TUSC3: variants seen among roughly 807,000 people sequenced by gnomAD.
TUSC3 encodes the protein dolichyl-diphosphooligosaccharide--protein glycosyltransferase subunit TUSC3.
In TUSC3, 45 loss-of-function variants were observed where a neutral mutation model predicts 44.8. The ratio of observed to expected loss-of-function variants is 1.00; its 90% CI spans 0.79 to 1.29. The LOEUF is 1.29. Ranked by LOEUF, TUSC3 falls within the 50% of genes most tolerant of loss-of-function variation. The probability of loss-of-function intolerance (pLI) is 0.00; values close to 1 mark genes in which losing one functional copy is unlikely to be tolerated. For missense variants in TUSC3, 519 were observed against 437.9 expected (o/e 1.19, Z -1.65); for synonymous variants, 212 against 152.9 (o/e 1.39, Z -2.85).
At chr8:15,564,810 A>T (rs974688136) in intron 1 of TUSC3, among the ~76,000 whole-genome samples, 1 of 151,990 alleles carries the variant, frequency 6.6e-6, no homozygotes, top group African/African-American at 2.4e-5. Flanking sequence ...GTCCACTCCC[A>T]CCCTGTTCTA....
At chr8:15,564,268 C>G (rs1585105600) in intron 1 of TUSC3, among the ~76,000 whole-genome samples, 1 of 151,868 alleles carries the variant, frequency 6.6e-6, no homozygotes. Flanking sequence ...TTTGGGCAGC[C>G]ATGTTGTTTT....
At chr8:15,755,175 G>T (rs575943136) in intron 9 of TUSC3, among the ~76,000 whole-genome samples, 15 of 152,032 alleles carry the variant, frequency 9.9e-5, no homozygotes, top group Admixed American at 2.0e-4. Context: ...CAGCCTGCTC[G>T]TTACTAGCTG....
chr8:15,527,035 T>C (rs139486870), intron 2 of TUSC3, among the ~76,000 whole-genome samples: 21 of 152,346 alleles, frequency 1.4e-4, no homozygotes, highest in Non-Finnish European at 1.0e-4. Context: ...TAGAAAAGTT[T>C]GAATAATTGA....
chr8:15,806,405 T>C, the TUSC3 span: 2 of 716,152 alleles, frequency 2.8e-6, no homozygotes, highest in Non-Finnish European at 5.2e-6. Context: ...CTTCTGGTGA[T>C]ACTTTGGGTG....
At chr8:15,430,477 C>G (rs1002833475) in intron 1 of TUSC3, among the ~76,000 whole-genome samples, 1 of 150,384 alleles carries the variant, frequency 6.6e-6, no homozygotes, top group Non-Finnish European at 1.5e-5. Context: ...TGGGATGTAT[C>G]TCAAAATAAT....
intron 7 of TUSC3, among the ~76,000 whole-genome samples, chr8:15,737,190 A>G (rs1810972943): frequency 6.6e-6 from 1 of 152,094 alleles, no homozygotes; most frequent in South Asian, 2.1e-4. Context: ...AAAAAAATTA[A>G]TGATAGATGC....
chr8:15,462,988 T>C (rs938604235), intron 1 of TUSC3, among the ~76,000 whole-genome samples: 1 of 152,004 alleles, frequency 6.6e-6, no homozygotes, highest in Non-Finnish European at 1.5e-5. Context: ...TGGCTTCAAT[T>C]CTTTATTTTG....
chr8:15,473,772 A>T (rs1317677813), intron 1 of TUSC3, among the ~76,000 whole-genome samples: 2 of 152,220 alleles, frequency 1.3e-5, no homozygotes, highest in Admixed American at 1.3e-4. Context: ...CAAAGATCAC[A>T]TGCTTCTGAG....
intron 5 of TUSC3, among the ~76,000 whole-genome samples, chr8:15,666,786 A>C (rs1218642079): frequency 6.6e-6 from 1 of 151,448 alleles, no homozygotes; most frequent in Non-Finnish European, 1.5e-5. Flanking sequence ...TCTGCTCATC[A>C]GGCAACTATG....
chr8:15,587,606 A>G (rs574726263), intron 1 of TUSC3, among the ~76,000 whole-genome samples: 7 of 152,162 alleles, frequency 4.6e-5, no homozygotes, highest in Non-Finnish European at 1.0e-4. Flanking sequence ...GTCTTTGAAC[A>G]TATACAGTAA....
intron 1 of TUSC3, among the ~76,000 whole-genome samples, chr8:15,587,516 A>G (rs142298720): frequency 6.6e-6 from 1 of 152,290 alleles, no homozygotes; most frequent in Admixed American, 6.5e-5. Flanking sequence ...CAATGATCAA[A>G]TCAGGGTAAT....
intron 9 of TUSC3, among the ~76,000 whole-genome samples, chr8:15,749,788 A>T (rs1158675185): frequency 6.8e-6 from 1 of 146,214 alleles, no homozygotes; most frequent in African/African-American, 2.6e-5. Flanking sequence ...TTTTTGTATG[A>T]TTGGTACTTA....
At chr8:15,627,631 C>T (rs1024955733) in intron 2 of TUSC3, among the ~76,000 whole-genome samples, 1 of 152,242 alleles carries the variant, frequency 6.6e-6, no homozygotes, top group Non-Finnish European at 1.5e-5. Flanking sequence ...TTTTGGGGCC[C>T]TGTGGTTTCT....
intron 1 of TUSC3, among the ~76,000 whole-genome samples, chr8:15,473,916 A>T (rs900219472): frequency 2.0e-5 from 3 of 152,164 alleles, no homozygotes; most frequent in South Asian, 4.1e-4. Flanking sequence ...CAAATTTACC[A>T]GGGCGAGGTT....
intron 1 of TUSC3, among the ~76,000 whole-genome samples, chr8:15,604,984 A>C (rs1014902239): frequency 6.6e-6 from 1 of 151,932 alleles, no homozygotes; most frequent in Non-Finnish European, 1.5e-5. Flanking sequence ...AAAGAGATAC[A>C]TAAAACTCTG....
At chr8:15,806,371 C>G in the TUSC3 span, 1 of 735,852 alleles carries the variant, frequency 1.4e-6, no homozygotes, top group African/African-American at 1.7e-5. Context: ...AGGTACTTGC[C>G]CAACTCTGCC....
rs1466411001 is a variant in TUSC3 at position 15,765,498 on chromosome 8, A to T, written c.*1342A>T. The T allele has an allele frequency of 2.0e-5, 3 of 151,990 alleles. No individual in the cohort carries two copies. Among genetic ancestry groups the T allele is most frequent in the Non-Finnish European group, 4.4e-5 (3 of 67,940 alleles). 9.4% of individuals were successfully genotyped at this position (151,990 alleles called of 1,614,324 possible). ...TACAACCATTGAGTTTACTTACTTA[A>T]ATCTGTGAATTTCAATGAAGAATGG... On this transcript the variant is annotated 3_prime_UTR_variant, in exon 11 of 11. Coordinates refer to ENST00000503731, the MANE Select transcript of TUSC3 (RefSeq NM_006765.4).
intron 6 of TUSC3, among the ~76,000 whole-genome samples, chr8:15,682,974 G>T (rs1009917285): frequency 6.6e-6 from 1 of 152,012 alleles, no homozygotes; most frequent in Non-Finnish European, 1.5e-5. Context: ...CTAAAAGCAG[G>T]CCCCATTCTC....
At position 15,431,993 on chromosome 8, in the gene TUSC3, C is replaced by G. The variant is rs190036024; in HGVS notation, n.91+14688C>G. Among the ~76,000 whole-genome samples the G allele has an allele frequency of 1.2e-3, 185 of 151,536 alleles. 1 individual carries two copies. Among genetic ancestry groups the G allele is most frequent in the African/African-American group, 4.2e-3 (175 of 41,498 alleles). On this transcript the variant is annotated intron_variant and non_coding_transcript_variant, in intron 1 of 5. Transcript: ENST00000503191. ...TCTCACTTAATTGTGGCGTGTGATTCTTTTAATGTTCAATGGCATTTGATT... is the reference window on the plus strand; with the variant it reads ...TCTCACTTAATTGTGGCGTGTGATTGTTTTAATGTTCAATGGCATTTGATT...
Sources: gnomAD v4.1 joint callset for allele counts (sites outside exome capture counted in the v4.1 genomes callset) on GRCh38, gnomAD v4.1.1 for gene constraint, MANE v1.5 for transcripts, NCBI Gene and HGNC (gene_info 2026-07-23, HGNC 2026-07-21) for gene names.